Variants in FRS2 observed in about 807,000 individuals in gnomAD.
FRS2 encodes the protein fibroblast growth factor receptor substrate 2, also known as FGFR signalling adaptor.
In FRS2, 8 loss-of-function variants were observed where a neutral mutation model predicts 43.9. The ratio of observed to expected loss-of-function variants is 0.18; its 90% CI spans 0.11 to 0.33. FRS2 has a LOEUF of 0.33. FRS2 is among the 10% of genes least tolerant of loss of function. FRS2 has a pLI of 1.00. For missense variants in FRS2, 534 were observed against 627.6 expected, an observed-to-expected ratio of 0.85 and a Z score of 1.59; for synonymous variants, 219 against 220.3, an observed-to-expected ratio of 0.99 and a Z score of 0.05.
At position 69,517,083 on chromosome 12, in the gene FRS2, T is replaced by C. The variant is rs1191058348; in HGVS notation, c.-260-13782T>C. On this transcript the variant is annotated intron_variant, in intron 1 of 8. Coordinates refer to ENST00000549921, the MANE Select transcript of FRS2 (RefSeq NM_001278356.2). The stretch of plus-strand genomic sequence containing the variant: ...ACACAGGCACACAACACACAGCTTA[T>C]TCATCCTCCACAAGGGAAAAAAGAC... 2.0e-5 allele frequency among the ~76,000 whole-genome samples: 3 copies of C among 152,206 alleles called. No individual in the cohort carries two copies. The East Asian group carries it at 5.8e-4, about 29-fold the overall frequency.
chr12:69,565,502 T>A (rs1477360185), intron 4 of FRS2, among the ~76,000 whole-genome samples: 1 of 152,238 alleles, frequency 6.6e-6, no homozygotes, highest in Admixed American at 6.5e-5. Context: ...TCTCTTATAA[T>A]ATTTAGCTTA....
intron 3 of FRS2, among the ~76,000 whole-genome samples, chr12:69,555,889 A>G (rs894018918): frequency 4.0e-5 from 6 of 151,630 alleles, no homozygotes; most frequent in Non-Finnish European, 4.4e-5. Context: ...ATATTTAACA[A>G]TATTTTAGGT....
chr12:69,557,804 G>A (rs1186706029), intron 3 of FRS2: 3 of 152,012 alleles, frequency 2.0e-5, no homozygotes, highest in African/African-American at 4.8e-5. Context: ...CTATAGATAC[G>A]TACCAAGATT....
At chr12:69,543,697 G>GGA (rs1303081163) in intron 3 of FRS2, among the ~76,000 whole-genome samples, 1 of 152,136 alleles carries the variant, frequency 6.6e-6, no homozygotes, top group Non-Finnish European at 1.5e-5. Context: ...AGCAAGTGAA[G>GGA]GAGCAAGCTA....
At chr12:69,498,558 T>A (rs545806044) in intron 1 of FRS2, among the ~76,000 whole-genome samples, 23 of 151,878 alleles carry the variant, frequency 1.5e-4, no homozygotes, top group Admixed American at 1.4e-3. Context: ...TGTGTTTGGT[T>A]TTTTGTTTGT....
At chr12:69,490,961 A>G (rs1872422518) in intron 1 of FRS2, among the ~76,000 whole-genome samples, 1 of 152,264 alleles carries the variant, frequency 6.6e-6, no homozygotes, top group Non-Finnish European at 1.5e-5. Flanking sequence ...TAGTAAGTGT[A>G]CATGATCTAA....
chr12:69,512,432 G>C (rs1399720177), intron 1 of FRS2, among the ~76,000 whole-genome samples: 1 of 152,120 alleles, frequency 6.6e-6, no homozygotes, highest in Non-Finnish European at 1.5e-5. Context: ...CCTGGATCTT[G>C]TATGAACTTT....
chr12:69,527,595 A>G (rs941714694), intron 1 of FRS2, among the ~76,000 whole-genome samples: 1 of 152,106 alleles, frequency 6.6e-6, no homozygotes, highest in African/African-American at 2.4e-5. Context: ...ATAATAGTGA[A>G]CAAGACAAAC....
rs535358978 is a variant in FRS2, at chr12:69,508,609, T to C, written c.-260-22256T>C. 6.6e-5 allele frequency among the ~76,000 whole-genome samples: 10 copies of C among 152,336 alleles called. No homozygotes were observed. In the South Asian group the frequency reaches 1.9e-3, roughly 28 times the overall value. On this transcript the variant is annotated intron_variant, in intron 1 of 8. Transcript: ENST00000549921. ...TTTGTATTTTAAAATTAAAATGATATTTGTACATGTGTAGTTTAAAAAGTC... is the reference window on the plus strand; with the variant it reads ...TTTGTATTTTAAAATTAAAATGATACTTGTACATGTGTAGTTTAAAAAGTC...
At chr12:69,561,411 G>A (rs1246814400) in intron 3 of FRS2, among the ~76,000 whole-genome samples, 1 of 152,186 alleles carries the variant, frequency 6.6e-6, no homozygotes, top group Non-Finnish European at 1.5e-5. Context: ...TAGTTAATAT[G>A]TAGATTAAAA....
chr12:69,508,266 G>A (rs1399531695), intron 1 of FRS2, among the ~76,000 whole-genome samples: 1 of 152,116 alleles, frequency 6.6e-6, no homozygotes, highest in African/African-American at 2.4e-5. Flanking sequence ...TGACCCAAGA[G>A]TTGCAAATAA....
At chr12:69,471,507 CAG>C (rs1870292658) in intron 1 of FRS2, among the ~76,000 whole-genome samples, 1 of 152,222 alleles carries the variant, frequency 6.6e-6, no homozygotes, top group Non-Finnish European at 1.5e-5. Flanking sequence ...TGCTGCAATG[CAG>C]AGTTTCACAC....
intron 1 of FRS2, among the ~76,000 whole-genome samples, chr12:69,498,573 T>G (rs1002957901): frequency 6.3e-5 from 9 of 142,662 alleles, no homozygotes; most frequent in African/African-American, 1.0e-4. Context: ...GTTTGTTTCG[T>G]TTTTTTTTAG....
intron 1 of FRS2, among the ~76,000 whole-genome samples, chr12:69,506,633 A>C (rs544009739): frequency 6.6e-6 from 1 of 152,030 alleles, no homozygotes; most frequent in Non-Finnish European, 1.5e-5. Context: ...TTCGGTGTCT[A>C]CTTCTTCTTT....
intron 1 of FRS2, among the ~76,000 whole-genome samples, chr12:69,516,605 A>T (rs1234383971): frequency 6.6e-6 from 1 of 152,208 alleles, no homozygotes; most frequent in African/African-American, 2.4e-5. Flanking sequence ...TGCTTGATGT[A>T]AGGTAAATAT....
intron 1 of FRS2, among the ~76,000 whole-genome samples, chr12:69,485,134 C>CACATAT (rs1194988609): frequency 1.5e-5 from 2 of 134,352 alleles, no homozygotes; most frequent in African/African-American, 5.9e-5. Context: ...CACACACACA[C>CACATAT]ACTCTCACCC....
intron 1 of FRS2, among the ~76,000 whole-genome samples, chr12:69,495,980 A>G (rs952483234): frequency 7.2e-5 from 11 of 152,374 alleles, no homozygotes; most frequent in Middle Eastern, 3.4e-3. Context: ...ATAGTATGCC[A>G]GATTTGGAGG....
At position 69,574,426 on chromosome 12, in the gene FRS2, C is replaced by T; in HGVS notation, c.998C>T (p.Thr333Ile). 1 of 1,613,868 alleles carries T rather than the reference C, an allele frequency of 6.2e-7. No homozygotes were observed. Among genetic ancestry groups the T allele is most frequent in the Non-Finnish European group, 8.5e-7 (1 of 1,179,830 alleles). Residue 333 changes from threonine (T) to isoleucine (I), a missense_variant, in exon 9 of 9, where the codon ACC becomes ATC. By Grantham distance (89) the Thr-to-Ile change is moderately conservative. Coordinates refer to ENST00000549921, the MANE Select transcript of FRS2 (RefSeq NM_001278356.2). ...CTGACATCCACCAGTACCTCAGATA[C>T]CCAGAATATCAACAACTCAGCTCAG... The part of the protein sequence containing the change: ...GRLTSTSTSD[T>I]QNINNSAQRR...
At chr12:69,565,711 G>A (rs1191177017) in intron 4 of FRS2, among the ~76,000 whole-genome samples, 1 of 151,996 alleles carries the variant, frequency 6.6e-6, no homozygotes, top group Non-Finnish European at 1.5e-5. Flanking sequence ...CCTACATGTT[G>A]TCCCACTGGA....
Sources: allele counts gnomAD v4.1 joint callset (sites outside exome capture counted in the v4.1 genomes callset), GRCh38; gene constraint gnomAD v4.1.1; transcripts MANE v1.5; gene names NCBI Gene and HGNC (gene_info 2026-07-23, HGNC 2026-07-21).